The following SLCO1B1 variants were observed in gnomAD, a reference collection of about 807,000 sequenced individuals.
SLCO1B1 encodes the protein OATP-2.
SLCO1B1 carries 81 observed loss-of-function variants against 70.1 expected under a neutral mutation model. That is an observed-to-expected ratio of 1.16 (90% CI 0.97 to 1.39). The LOEUF is 1.39. Ranked by LOEUF, SLCO1B1 falls within the 40% of genes most tolerant of loss-of-function variation. SLCO1B1 has a pLI of 0.00. For synonymous variants in SLCO1B1, 283 were observed against 271.5 expected (o/e 1.04, Z -0.42); for missense variants, 895 against 799.6 (o/e 1.12, Z -1.44).
At chr12:21,165,294 A>C (rs925959140) in intron 2 of SLCO1B1, among the ~76,000 whole-genome samples, 1 of 152,154 alleles carries the variant, frequency 6.6e-6, no homozygotes, top group African/African-American at 2.4e-5. Context: ...TTATTTAAAT[A>C]AATTTAGAAC....
chr12:21,203,518 G>A (rs1941181140), intron 10 of SLCO1B1, among the ~76,000 whole-genome samples: 1 of 151,922 alleles, frequency 6.6e-6, no homozygotes, highest in African/African-American at 2.4e-5. Context: ...GCTTACTACT[G>A]GTGCTGAGCT....
At chr12:21,229,695 T>C (rs1941514535) in intron 14 of SLCO1B1, among the ~76,000 whole-genome samples, 1 of 152,186 alleles carries the variant, frequency 6.6e-6, no homozygotes, top group Non-Finnish European at 1.5e-5. Flanking sequence ...TTTGATTCTG[T>C]TATATTAACC....
intron 14 of SLCO1B1, among the ~76,000 whole-genome samples, chr12:21,229,209 G>A (rs1250801886): frequency 1.3e-5 from 2 of 152,104 alleles, no homozygotes; most frequent in Non-Finnish European, 2.9e-5. Flanking sequence ...GGGTGATACA[G>A]TTGTTACAAA....
At chr12:21,226,417 A>G (rs991110723) in intron 14 of SLCO1B1, among the ~76,000 whole-genome samples, 3 of 143,866 alleles carry the variant, frequency 2.1e-5, no homozygotes, top group Non-Finnish European at 4.6e-5. Context: ...CTGTCTCAAA[A>G]AAAGAAAAAA....
At chr12:21,226,667 A>C (rs894868816) in intron 14 of SLCO1B1, among the ~76,000 whole-genome samples, 2 of 152,126 alleles carry the variant, frequency 1.3e-5, no homozygotes, top group African/African-American at 4.8e-5. Flanking sequence ...ATGGACCCAT[A>C]CCCATACAAC....
chr12:21,135,728 C>G (rs1940211199), intron 1 of SLCO1B1, among the ~76,000 whole-genome samples: 1 of 152,098 alleles, frequency 6.6e-6, no homozygotes, highest in Non-Finnish European at 1.5e-5. Flanking sequence ...CTATGTGTGT[C>G]TCTGCATGTG....
rs529041749 is a variant in SLCO1B1, at chr12:21,167,295, A to T, written c.85-5355A>T. On this transcript the variant is annotated intron_variant, in intron 2 of 14. Transcript: ENST00000256958. ...AATCTAATAAAATGTGACAATGAAA[A>T]TTTAGCTGAGTATAAAAGAACCTAA... Among the ~76,000 whole-genome samples the T allele has an allele frequency of 1.2e-4, 19 of 152,336 alleles. No homozygotes were observed. The South Asian group carries it at 3.9e-3, about 32-fold the overall frequency.
rs373619379 is a variant in SLCO1B1, at chr12:21,197,162, G to A, written c.944G>A (p.Gly315Glu). Residue 315 changes from glycine to glutamate, a missense_variant, in exon 8 of 15, where the codon GGA (glycine) becomes GAA (glutamate). Transcript: ENST00000256958. ...KDQTANLTNQ[G>E]KNITKNVTGF... ...CAAACAGCTAATTTGACCAATCAAG[G>A]AAAAAATATTACCAAAAATGTGACT... is the stretch of plus-strand genomic sequence containing the variant. 16 of 1,613,112 alleles carry A rather than the reference G, an allele frequency of 9.9e-6. No individual in the cohort carries two copies. The highest frequency in any genetic ancestry group is 1.3e-5 in the Non-Finnish European group (15 of 1,179,492).
intron 13 of SLCO1B1, 146 bp from the exon 14 acceptor site, chr12:21,224,576 T>C: frequency 1.6e-6 from 1 of 624,870 alleles, no homozygotes; most frequent in East Asian, 2.7e-5. Context: ...ATAATCTTTA[T>C]TATTGGGTAG....
intron 7 of SLCO1B1, among the ~76,000 whole-genome samples, chr12:21,186,610 C>G (rs542809305): frequency 6.6e-6 from 1 of 151,950 alleles, no homozygotes; most frequent in African/African-American, 2.4e-5. Context: ...AGATTGAGGT[C>G]TTCAGCTGCC....
chr12:21,177,072 C>T (rs979732564), intron 5 of SLCO1B1, among the ~76,000 whole-genome samples, 175 bp downstream of exon 5: 3 of 152,096 alleles, frequency 2.0e-5, no homozygotes, highest in Admixed American at 6.6e-5. Context: ...ATTAACAACA[C>T]AGGTTTAAAC....
intron 4 of SLCO1B1, among the ~76,000 whole-genome samples, chr12:21,175,218 C>T (rs1294558596): frequency 1.3e-5 from 2 of 152,084 alleles, no homozygotes; most frequent in African/African-American, 2.4e-5. Context: ...ATGATTCTAC[C>T]TCTTTCCATC....
intron 12 of SLCO1B1, among the ~76,000 whole-genome samples, chr12:21,219,326 G>A (rs1463365520): frequency 6.6e-6 from 1 of 152,170 alleles, no homozygotes; most frequent in South Asian, 2.1e-4. Context: ...GCTAAATGGA[G>A]ACATAGGAGG....
At chr12:21,212,982 G>T (rs1467526650) in intron 11 of SLCO1B1, among the ~76,000 whole-genome samples, 1 of 151,820 alleles carries the variant, frequency 6.6e-6, no homozygotes, top group Non-Finnish European at 1.5e-5. Flanking sequence ...TGGGTCTCCT[G>T]AATACAGCAC....
intron 1 of SLCO1B1, among the ~76,000 whole-genome samples, chr12:21,134,237 G>T (rs192215907): frequency 5.3e-4 from 81 of 152,338 alleles, no homozygotes; most frequent in African/African-American, 1.7e-3. Flanking sequence ...TGGTTTGCCA[G>T]TATTTTATTG....
At chr12:21,168,979 T>G (rs769926449) in intron 2 of SLCO1B1, among the ~76,000 whole-genome samples, 8 of 152,120 alleles carry the variant, frequency 5.3e-5, no homozygotes, top group Non-Finnish European at 1.2e-4. Flanking sequence ...TTCTTTTATT[T>G]TTTTCTGGAA....
rs370967766 is a variant in SLCO1B1 at position 21,215,714 on chromosome 12, C to G, written c.1498-1405C>G. ...GCTATATTTTGGTACCAGGATGATT[C>G]TGGCTTCAAAAAAATCAGTTAAGAA... is the stretch of plus-strand genomic sequence containing the variant. On this transcript the variant is annotated intron_variant, in intron 11 of 14. Coordinates refer to ENST00000256958, the MANE Select transcript of SLCO1B1 (RefSeq NM_006446.5). Among the ~76,000 whole-genome samples, 33 of 152,122 alleles carry G rather than the reference C, an allele frequency of 2.2e-4. 1 individual carries two copies. The highest frequency in any genetic ancestry group is 7.5e-4 in the African/African-American group (31 of 41,508).
chr12:21,209,646 A>C (rs1245446753), intron 11 of SLCO1B1, among the ~76,000 whole-genome samples: 7 of 151,902 alleles, frequency 4.6e-5, no homozygotes, highest in Admixed American at 1.3e-4. Context: ...TGACTTCCAC[A>C]ATGGTTAAAC....
chr12:21,238,747 G>A (rs147593788), intron 14 of SLCO1B1, among the ~76,000 whole-genome samples: 85 of 151,952 alleles, frequency 5.6e-4, no homozygotes, highest in East Asian at 5.4e-3. Context: ...TATTTTTCTC[G>A]TTTTATGAAG....
Sources: gnomAD v4.1 joint callset for allele counts (sites outside exome capture counted in the v4.1 genomes callset) on GRCh38, gnomAD v4.1.1 for gene constraint, MANE v1.5 for transcripts, NCBI Gene and HGNC (gene_info 2026-07-23, HGNC 2026-07-21) for gene names.